Variants in ABCA3 observed in about 807,000 individuals in gnomAD.
The protein encoded by ABCA3 is ATP binding cassette subfamily A member 3, also known as phospholipid-transporting ATPase ABCA3.
In ABCA3, 88 loss-of-function variants were observed where a neutral mutation model predicts 172.8. The ratio of observed to expected loss-of-function variants is 0.51; its 90% confidence interval spans 0.43 to 0.61. The LOEUF is 0.61. Ranked by LOEUF, ABCA3 falls within the 20% of genes least tolerant of loss-of-function variation. The pLI is 0.00. For synonymous variants in ABCA3, 1,066 were observed against 983.8 expected, an observed-to-expected ratio of 1.08 and a Z score of -1.56; for missense variants, 2,164 against 2,301.0, an observed-to-expected ratio of 0.94 and a Z score of 1.22.
In ABCA3 at chr16:2,336,719, C is replaced by T. The variant is rs150163051; in HGVS notation, c.-539+3854G>A. On this transcript the variant is annotated intron_variant, in intron 1 of 32. Transcript: ENST00000301732. ...CCTCCCAAAGTGCTAGGATTACAGG[C>T]GTGAGCCACCTCGTCTGGCCAATAA... Among the ~76,000 whole-genome samples, 180 of 150,724 alleles carry T rather than the reference C, an allele frequency of 1.2e-3. 2 individuals carry two copies. The East Asian group carries it at 0.021, about 18-fold the overall frequency.
At position 2,286,672 on chromosome 16, in the gene ABCA3, C is replaced by T. The variant is rs528119952; in HGVS notation, c.3278+22G>A. On this transcript the variant is annotated intron_variant, in intron 22 of 32. Transcript: ENST00000301732. This position sits in a 1 kb window ranked among gnomAD's most constrained non-coding sequence, Gnocchi z 5.2. Reference sequence around the variant, plus strand: ...TCCTGGGGGCTCTGGCCAGGGCAGACAGGGACGGGCAGTGCACATACTCGT... The same window carrying T: ...TCCTGGGGGCTCTGGCCAGGGCAGATAGGGACGGGCAGTGCACATACTCGT... The T allele has an allele frequency of 4.3e-6, 7 of 1,612,158 alleles. No homozygotes were observed. Among genetic ancestry groups the T allele is most frequent in the Non-Finnish European group, 5.9e-6 (7 of 1,179,816 alleles).
rs1596856994 is a variant in ABCA3, at chr16:2,314,084, G to A, written c.1111+3199C>T. Among the ~76,000 whole-genome samples the A allele has an allele frequency of 2.6e-5, 4 of 152,250 alleles. No homozygotes were observed. The South Asian group carries it at 8.3e-4, about 32-fold the overall frequency. ...ACACTGCGGGAAAGACAGTCTGACAGTCTCTCTCAAAAGTTAAACATGGAA... is the reference window on the plus strand; with the variant it reads ...ACACTGCGGGAAAGACAGTCTGACAATCTCTCTCAAAAGTTAAACATGGAA... On this transcript the variant is annotated intron_variant, in intron 10 of 32. Transcript: ENST00000301732.
At chr16:2,303,849 T>G in intron 12 of ABCA3, 120 bp downstream of exon 12, 1 of 1,161,910 alleles carries the variant, frequency 8.6e-7, no homozygotes, top group Non-Finnish European at 1.3e-6. Context: ...GGCAGGGTTC[T>G]GTGTGCCAGC....
intron 19 of ABCA3, among the ~76,000 whole-genome samples, chr16:2,290,155 G>C (rs771122330): frequency 9.2e-5 from 14 of 152,102 alleles, no homozygotes; most frequent in African/African-American, 3.1e-4. Flanking sequence ...GCAGGCTGCC[G>C]TGAGGCCTAA....
Position 2,326,415 on chromosome 16 carries a change from G to T in ABCA3, c.52C>A (p.Gln18Lys). The part of the protein sequence containing the change: ...ALLLWKNYTL[Q>K]KRKVLVTVLE... ...CTCCCTCCAGAGTCTGGACGCACCT[G>T]CAGGGTGTAGTTCTTCCAGAGGAGG... is the stretch of plus-strand genomic sequence containing the variant. The change falls in exon 4 of 33, where the codon CAG (glutamine) becomes AAG (lysine). Residue 18 changes from glutamine (Q) to lysine (K), a missense_variant and splice_region_variant. Coordinates refer to ENST00000301732, the MANE Select transcript of ABCA3 (RefSeq NM_001089.3). 1.2e-6 allele frequency: 2 copies of T among 1,612,862 alleles called. No homozygotes were observed. The highest frequency in any genetic ancestry group is 1.7e-6 in the Non-Finnish European group (2 of 1,179,576).
intron 10 of ABCA3, among the ~76,000 whole-genome samples, chr16:2,314,670 G>A (rs540722858): frequency 2.0e-5 from 3 of 152,058 alleles, no homozygotes; most frequent in Non-Finnish European, 4.4e-5. Context: ...TCTGCCTCCT[G>A]GGTTCAAGCA....
Position 2,281,199 on chromosome 16 carries a change from A to G in ABCA3, c.4187T>C (p.Leu1396Pro). The change falls in exon 28 of 33, where the codon CTC becomes CCC. Residue 1396 changes from leucine (L) to proline (P), a missense_variant. By Grantham distance (98) the Leu-to-Pro change is moderately conservative (BLOSUM62 -3). Coordinates refer to ENST00000301732, the MANE Select transcript of ABCA3 (RefSeq NM_001089.3). The surrounding 1 kb of genome is among the most constrained non-coding windows in gnomAD (Gnocchi z 4.7). ...LSKVYEQRVPLLAVDRLSLAV... is the reference protein window; with the variant it reads ...LSKVYEQRVPPLAVDRLSLAV... ...GAGGGAGAGCCTGTCCACGGCCAGG[A>G]GGGGCACCCGCTGCTCGTACACCTG... 1 of 1,613,594 alleles carries G rather than the reference A, an allele frequency of 6.2e-7. No individual in the cohort carries two copies. Among genetic ancestry groups the G allele is most frequent in the East Asian group, 2.2e-5 (1 of 44,884 alleles).
At chr16:2,295,187 G>A (rs1394526955) in intron 18 of ABCA3, among the ~76,000 whole-genome samples, 3 of 152,108 alleles carry the variant, frequency 2.0e-5, no homozygotes, top group Non-Finnish European at 2.9e-5. Context: ...TGAGCAGGTG[G>A]TAACATCTCC....
chr16:2,327,808 C>T (rs2093736809), intron 3 of ABCA3, among the ~76,000 whole-genome samples: 1 of 152,180 alleles, frequency 6.6e-6, no homozygotes, highest in African/African-American at 2.4e-5. Context: ...GGAACCTCCG[C>T]CTCCTGGTTT....
At chr16:2,299,026 G>A (rs1177853929) in intron 14 of ABCA3, among the ~76,000 whole-genome samples, 2 of 151,584 alleles carry the variant, frequency 1.3e-5, no homozygotes, top group Non-Finnish European at 2.9e-5. Context: ...CGGTGAGGAG[G>A]GCAGGGGTCC....
Position 2,278,414 on chromosome 16 carries a change from C to A in ABCA3, c.4592G>T (p.Gly1531Val). ...RKLSTGIALI[G>V]EPAVIFLDEP... Reference sequence around the variant, plus strand: ...GTCCAGGAAGATGACAGCAGGCTCTCCGATCAGGGCGATGCCGGTGCTCAG... The same window carrying A: ...GTCCAGGAAGATGACAGCAGGCTCTACGATCAGGGCGATGCCGGTGCTCAG... Residue 1531 changes from glycine to valine, a missense_variant, in exon 30 of 33, where the codon GGA (glycine) becomes GTA (valine). Coordinates refer to ENST00000301732, the MANE Select transcript of ABCA3 (RefSeq NM_001089.3). This position sits in a 1 kb window ranked among gnomAD's most constrained non-coding sequence, Gnocchi z 4.4. 6.2e-7 allele frequency: 1 copy of A among 1,612,934 alleles called. No homozygotes were observed. The highest frequency in any genetic ancestry group is 8.5e-7 in the Non-Finnish European group (1 of 1,180,020).
In ABCA3 at chr16:2,317,708, G is replaced by C. The variant is rs775019967; in HGVS notation, c.930C>G (p.Leu310=). The C allele has an allele frequency of 1.2e-6, 2 of 1,614,250 alleles. No homozygotes were observed. Among genetic ancestry groups the C allele is most frequent in the Non-Finnish European group, 1.7e-6 (2 of 1,180,046 alleles). Residue 310 remains leucine (L), a synonymous_variant, in exon 9 of 33, where the codon CTC becomes CTG. Transcript: ENST00000301732. ...CGATGAGGAGGAAGAGGAAGAACAA[G>C]AGGAACCAGGCACTCCAGTGCAGCC... The part of the protein sequence containing the change: ...SSWLHWSAWF[L]LFFLFLLIAA...
chr16:2,329,229 A>G (rs2093739323), intron 2 of ABCA3, among the ~76,000 whole-genome samples: 1 of 152,234 alleles, frequency 6.6e-6, no homozygotes, highest in Non-Finnish European at 1.5e-5. Context: ...TTTAAAATTA[A>G]TAAGGTAGAA....
intron 10 of ABCA3, 103 bp downstream of exon 10, chr16:2,317,180 C>T: frequency 6.4e-7 from 1 of 1,553,592 alleles, no homozygotes; most frequent in Non-Finnish European, 8.8e-7. Context: ...CTGGGCAGCT[C>T]CACCAGGCCA....
intron 11 of ABCA3, among the ~76,000 whole-genome samples, chr16:2,307,827 G>C (rs895672871): frequency 6.6e-6 from 1 of 151,992 alleles, no homozygotes; most frequent in African/African-American, 2.4e-5. Flanking sequence ...GGATGGTCTC[G>C]ATCTCCTGAC....
chr16:2,319,854 C>G lies in ABCA3; in HGVS notation c.614-14G>C. The G allele has an allele frequency of 1.2e-6, 2 of 1,613,064 alleles. No homozygotes were observed. The highest frequency in any genetic ancestry group is 1.7e-6 in the Non-Finnish European group (2 of 1,179,996). ...CCCGGATGTACCCTGGGTGCGGGAG[C>G]AGAGGATGGCCCAGCCACCTCGAGG... On this transcript the variant is annotated splice_polypyrimidine_tract_variant and intron_variant, in intron 7 of 32. Coordinates refer to ENST00000301732, the MANE Select transcript of ABCA3 (RefSeq NM_001089.3).
intron 11 of ABCA3, 73 bp downstream of exon 11, chr16:2,308,377 G>T: frequency 6.3e-7 from 1 of 1,584,888 alleles, no homozygotes; most frequent in Non-Finnish European, 8.6e-7. Flanking sequence ...CTTGCTGCTG[G>T]CGGCTCTTGT....
chr16:2,325,907 ACTC>A, intron 5 of ABCA3, 100 bp downstream of exon 5: 23 of 1,514,766 alleles, frequency 1.5e-5, no homozygotes, highest in Non-Finnish European at 2.1e-5. Flanking sequence ...CACAGGGTGA[ACTC>A]CTCACCCAGC....
At chr16:2,298,282 G>A in intron 15 of ABCA3, 104 bp downstream of exon 15, 1 of 1,543,372 alleles carries the variant, frequency 6.5e-7, no homozygotes, top group Admixed American at 1.7e-5. Context: ...CCTGGCTCCT[G>A]CCCTCCTGGC....
Sources: gnomAD v4.1 joint callset for allele counts (sites outside exome capture counted in the v4.1 genomes callset) on GRCh38, gnomAD v4.1.1 for gene constraint, Gnocchi (gnomAD v3.1) non-coding constraint, MANE v1.5 for transcripts, NCBI Gene and HGNC (gene_info 2026-07-23, HGNC 2026-07-21) for gene names.